Variants in CAMK4 observed in about 807,000 individuals in gnomAD.
The protein encoded by CAMK4 is calcium/calmodulin-dependent protein kinase type IV.
A neutral mutation model predicts 44.9 loss-of-function variants in CAMK4; 22 were observed. The observed-to-expected ratio is 0.49, with a 90% CI of 0.35 to 0.70. The LOEUF is 0.70. Ranked by LOEUF, CAMK4 falls within the 30% of genes least tolerant of loss-of-function variation. The probability of loss-of-function intolerance (pLI) is 0.01; values close to 1 mark genes in which losing one functional copy is unlikely to be tolerated. For missense variants in CAMK4, 498 were observed against 586.8 expected (o/e 0.85, Z 1.56); for synonymous variants, 218 against 215.4 (o/e 1.01, Z -0.11).
chr5:111,316,785 C>T (rs1468155240), intron 1 of CAMK4, among the ~76,000 whole-genome samples: 1 of 152,078 alleles, frequency 6.6e-6, no homozygotes, highest in Non-Finnish European at 1.5e-5. Flanking sequence ...TCTATAATTT[C>T]AATTAATATT....
intron 5 of CAMK4, among the ~76,000 whole-genome samples, chr5:111,418,205 G>C (rs1032119059): frequency 6.6e-6 from 1 of 152,182 alleles, no homozygotes; most frequent in Admixed American, 6.5e-5. Context: ...ATGTCAGTAG[G>C]TTCCGTGATG....
chr5:111,451,523 A>G (rs1194808294), intron 7 of CAMK4, among the ~76,000 whole-genome samples: 1 of 152,042 alleles, frequency 6.6e-6, no homozygotes, highest in Non-Finnish European at 1.5e-5. Flanking sequence ...CCAGGCCTGA[A>G]GTGATCCTCC....
intron 5 of CAMK4, among the ~76,000 whole-genome samples, chr5:111,417,963 T>A (rs574340102): frequency 6.4e-4 from 97 of 152,340 alleles, no homozygotes; most frequent in Non-Finnish European, 8.8e-4. Flanking sequence ...TTTCCATCCA[T>A]GCAGTTTTGT....
At position 111,224,429 on chromosome 5, in the gene CAMK4, T is replaced by G. The variant is rs1379983943; in HGVS notation, c.-55T>G. 3.3e-6 allele frequency: 5 copies of G among 1,517,650 alleles called. No individual in the cohort carries two copies. Among genetic ancestry groups the G allele is most frequent in the African/African-American group, 1.4e-5 (1 of 69,116 alleles). The allele number at this position is 1,517,650 out of a possible 1,614,324, so 94.0% of individuals were successfully genotyped here. On this transcript the variant is annotated 5_prime_UTR_variant, in exon 1 of 11. Coordinates refer to ENST00000282356, the MANE Select transcript of CAMK4 (RefSeq NM_001744.6). This position sits in a 1 kb window ranked among gnomAD's most constrained non-coding sequence, Gnocchi z 5.7. ...CAGGCGGCGGCTGGCGGCCGGCTTC[T>G]CGCTCGGGCAGCGGCGGCGGCGGCG... is the stretch of plus-strand genomic sequence containing the variant.
rs73786862 is a variant in CAMK4 at position 111,265,460 on chromosome 5, G to A, written c.161+40816G>A. On this transcript the variant is annotated intron_variant, in intron 1 of 10. Transcript: ENST00000282356. ...AGTTGATATTTTAGCATATTCGCGGGTAGTCGGATTCTTTGGTTCTGTAAC... is the reference window on the plus strand; with the variant it reads ...AGTTGATATTTTAGCATATTCGCGGATAGTCGGATTCTTTGGTTCTGTAAC... Among the ~76,000 whole-genome samples, 1,285 of 152,236 alleles carry A rather than the reference G, an allele frequency of 8.4e-3. 17 individuals carry two copies. The highest frequency in any genetic ancestry group is 0.03 in the African/African-American group (1,232 of 41,532).
chr5:111,487,165 T>A lies in CAMK4; in HGVS notation c.*2699T>A, dbSNP rs996750443. On this transcript the variant is annotated 3_prime_UTR_variant, in exon 11 of 11. Transcript: ENST00000282356. ...TGGAGATTTAATTTCACAAAATACT[T>A]CATAACATCACTCCTAATTGGCAAT... The A allele has an allele frequency of 2.0e-5, 3 of 152,174 alleles. No individual in the cohort carries two copies. Among genetic ancestry groups the A allele is most frequent in the Non-Finnish European group, 4.4e-5 (3 of 68,002 alleles). The allele number at this position is 152,174 out of a possible 1,614,324, so 9.4% of individuals were successfully genotyped here. A position where few individuals can be genotyped will look rare whatever the true frequency, so the allele number is the denominator to read the frequency against.
intron 1 of CAMK4, among the ~76,000 whole-genome samples, chr5:111,324,380 GA>G (rs1371299549): frequency 1.3e-5 from 2 of 152,050 alleles, no homozygotes; most frequent in East Asian, 3.9e-4. Flanking sequence ...CTAAATATAA[GA>G]AAGTTGTCTT....
intron 7 of CAMK4, among the ~76,000 whole-genome samples, chr5:111,459,875 T>C (rs940018260): frequency 3.2e-4 from 48 of 151,966 alleles, no homozygotes; most frequent in African/African-American, 1.2e-3. Flanking sequence ...AATGTAATGG[T>C]AATCCTTAAC....
At chr5:111,341,238 G>T (rs566614594) in intron 1 of CAMK4, among the ~76,000 whole-genome samples, 2 of 151,178 alleles carry the variant, frequency 1.3e-5, no homozygotes, top group East Asian at 3.9e-4. Context: ...TTCATTTATT[G>T]TATTTTTGAT....
At chr5:111,396,430 A>C (rs1156509677) in intron 5 of CAMK4, among the ~76,000 whole-genome samples, 1 of 151,860 alleles carries the variant, frequency 6.6e-6, no homozygotes, top group Non-Finnish European at 1.5e-5. Flanking sequence ...CATATTTACC[A>C]ATTCTGGTTT....
intron 4 of CAMK4, among the ~76,000 whole-genome samples, chr5:111,387,150 TTAAA>T (rs1413511772): frequency 6.6e-6 from 1 of 152,196 alleles, no homozygotes; most frequent in East Asian, 1.9e-4. Context: ...ATAACTATGT[TTAAA>T]TATGAAAAAA....
intron 2 of CAMK4, among the ~76,000 whole-genome samples, chr5:111,353,245 ATGG>A (rs751100659): frequency 1.2e-4 from 18 of 151,998 alleles, no homozygotes; most frequent in Non-Finnish European, 2.5e-4. Context: ...GTTTCCTCAC[ATGG>A]TCTTTGTAAG....
At chr5:111,343,062 C>T (rs1014697114) in intron 1 of CAMK4, among the ~76,000 whole-genome samples, 1 of 151,364 alleles carries the variant, frequency 6.6e-6, no homozygotes, top group Non-Finnish European at 1.5e-5. Flanking sequence ...TTCTTGAACC[C>T]TTTATTACTT....
At chr5:111,270,288 A>AC (rs1429602752) in intron 1 of CAMK4, among the ~76,000 whole-genome samples, 1 of 152,174 alleles carries the variant, frequency 6.6e-6, no homozygotes, top group Non-Finnish European at 1.5e-5. Context: ...TAAGGCTTTC[A>AC]CCATCCTATC....
intron 6 of CAMK4, among the ~76,000 whole-genome samples, chr5:111,447,007 G>A (rs1214187528): frequency 6.6e-6 from 1 of 152,174 alleles, no homozygotes; most frequent in Non-Finnish European, 1.5e-5. Context: ...GGCACACAAA[G>A]GAATCACAGC....
At chr5:111,328,599 G>T (rs1247437171) in intron 1 of CAMK4, among the ~76,000 whole-genome samples, 3 of 151,978 alleles carry the variant, frequency 2.0e-5, no homozygotes, top group Non-Finnish European at 4.4e-5. Context: ...AAATACCTTG[G>T]GCAGTATGGC....
At chr5:111,349,176 T>C (rs949995777) in intron 2 of CAMK4, among the ~76,000 whole-genome samples, 4 of 152,088 alleles carry the variant, frequency 2.6e-5, no homozygotes, top group African/African-American at 9.6e-5. Context: ...ACATTCATCC[T>C]CTCCTCTTGT....
chr5:111,456,244 G>T (rs1207453104), intron 7 of CAMK4, among the ~76,000 whole-genome samples: 1 of 152,050 alleles, frequency 6.6e-6, no homozygotes, highest in Non-Finnish European at 1.5e-5. Flanking sequence ...GCTCACGACT[G>T]TAATCCCAGC....
At chr5:111,317,767 G>T (rs1748486641) in intron 1 of CAMK4, among the ~76,000 whole-genome samples, 1 of 151,984 alleles carries the variant, frequency 6.6e-6, no homozygotes, top group African/African-American at 2.4e-5. Flanking sequence ...TCTGCACTTG[G>T]TTTAATGCTC....
Sources: allele counts gnomAD v4.1 joint callset (sites outside exome capture counted in the v4.1 genomes callset), GRCh38; gene constraint gnomAD v4.1.1; non-coding constraint Gnocchi (gnomAD v3.1); transcripts MANE v1.5; gene names NCBI Gene and HGNC (gene_info 2026-07-23, HGNC 2026-07-21).